ARK2C: variants seen among roughly 807,000 people sequenced by gnomAD.
ARK2C encodes E3 ubiquitin-protein ligase ARK2C.
chr18:46,350,214 A>G, the ARK2C span, among the ~76,000 whole-genome samples: 1 of 152,172 alleles, frequency 6.6e-6, no homozygotes, highest in African/African-American at 2.4e-5. Flanking sequence ...AATTCAAACA[A>G]TATTTCAACA....
the ARK2C span, among the ~76,000 whole-genome samples, chr18:46,431,540 G>A: frequency 2.0e-5 from 3 of 152,132 alleles, no homozygotes; most frequent in African/African-American, 4.8e-5. Flanking sequence ...TGCAGGGGAG[G>A]GGCACACGCT....
the ARK2C span, among the ~76,000 whole-genome samples, chr18:46,396,509 C>G: frequency 2.1e-4 from 32 of 152,334 alleles, no homozygotes; most frequent in African/African-American, 7.5e-4. Flanking sequence ...GTCCCAAGAC[C>G]TAGCAGGTGC....
the ARK2C span, among the ~76,000 whole-genome samples, chr18:46,438,739 T>C: frequency 6.6e-6 from 1 of 152,328 alleles, no homozygotes; most frequent in East Asian, 1.9e-4. Context: ...TAAGTTTGCA[T>C]CCAACTGGCT....
the ARK2C span, among the ~76,000 whole-genome samples, chr18:46,405,011 G>A: frequency 6.6e-6 from 1 of 152,150 alleles, no homozygotes; most frequent in Non-Finnish European, 1.5e-5. Flanking sequence ...GGACCACAGA[G>A]CTTAGCTTGG....
the ARK2C span, among the ~76,000 whole-genome samples, chr18:46,453,136 G>C: frequency 6.6e-6 from 1 of 152,188 alleles, no homozygotes; most frequent in African/African-American, 2.4e-5. Context: ...CAAGGCACTG[G>C]ATTTATTCGT....
the ARK2C span, among the ~76,000 whole-genome samples, chr18:46,432,986 T>G: frequency 1.3e-5 from 2 of 152,060 alleles, no homozygotes; most frequent in Non-Finnish European, 2.9e-5. Context: ...AAGATAACAC[T>G]TCCCCCTCCA....
chr18:46,450,407 T>G, the ARK2C span: 4 of 1,584,502 alleles, frequency 2.5e-6, no homozygotes, highest in Non-Finnish European at 3.5e-6. Context: ...TGAGGTATGT[T>G]GCTCTGTCTG....
chr18:46,437,810 C>G, the ARK2C span, among the ~76,000 whole-genome samples: 1 of 152,226 alleles, frequency 6.6e-6, no homozygotes, highest in South Asian at 2.1e-4. Flanking sequence ...ACTCTGCTCC[C>G]CATTGTGGAC....
the ARK2C span, among the ~76,000 whole-genome samples, chr18:46,446,696 GAAAAGAAAA>G: frequency 2.9e-4 from 41 of 140,870 alleles, no homozygotes; most frequent in African/African-American, 1.0e-3. Flanking sequence ...AAAAAAAAAG[GAAAAGAAAA>G]AAAAAAAGAA....
chr18:46,371,612 T>C, the ARK2C span, among the ~76,000 whole-genome samples: 1 of 152,246 alleles, frequency 6.6e-6, no homozygotes, highest in Non-Finnish European at 1.5e-5. Context: ...GGGCACCTGG[T>C]ACCCAGAAGA....
At chr18:46,351,825 A>G in the ARK2C span, among the ~76,000 whole-genome samples, 1 of 152,178 alleles carries the variant, frequency 6.6e-6, no homozygotes, top group Admixed American at 6.5e-5. Context: ...GGGCCTGGCT[A>G]CGTCAATCCA....
the ARK2C span, among the ~76,000 whole-genome samples, chr18:46,378,805 T>C: frequency 1.3e-5 from 2 of 152,182 alleles, no homozygotes; most frequent in South Asian, 2.1e-4. Context: ...AGAGGAGCGC[T>C]GCTATGGATG....
chr18:46,441,940 G>A, the ARK2C span, among the ~76,000 whole-genome samples: 5,237 of 147,660 alleles, frequency 0.035, 112 homozygotes, highest in Middle Eastern at 0.056. Flanking sequence ...CGAGACGGGC[G>A]GATCACGAGG....
At chr18:46,392,696 C>G in the ARK2C span, among the ~76,000 whole-genome samples, 1 of 152,180 alleles carries the variant, frequency 6.6e-6, no homozygotes, top group Non-Finnish European at 1.5e-5. Context: ...CGGTCCTGTG[C>G]CTTGTCAGTC....
At chr18:46,403,602 G>A in the ARK2C span, among the ~76,000 whole-genome samples, 2 of 152,178 alleles carry the variant, frequency 1.3e-5, no homozygotes, top group Non-Finnish European at 2.9e-5. Context: ...ATCCGGCTGG[G>A]TGCAGTGGCT....
At chr18:46,457,435 TG>T in the ARK2C span, 1 of 153,298 alleles carries the variant, frequency 6.5e-6, no homozygotes. Context: ...AAGGAGCTGA[TG>T]GGGTCTTATC....
At chr18:46,353,720 C>G in the ARK2C span, among the ~76,000 whole-genome samples, 6 of 152,154 alleles carry the variant, frequency 3.9e-5, no homozygotes, top group Non-Finnish European at 7.4e-5. Context: ...CGTTGTGGCC[C>G]CCTCCCATGC....
the ARK2C span, chr18:46,462,633 G>A: frequency 6.6e-6 from 1 of 152,582 alleles, no homozygotes; most frequent in Non-Finnish European, 1.5e-5. Context: ...CCACCACACT[G>A]GAGGGAGCAC....
At chr18:46,455,210 T>G in the ARK2C span, among the ~76,000 whole-genome samples, 7 of 152,230 alleles carry the variant, frequency 4.6e-5, no homozygotes, top group Non-Finnish European at 8.8e-5. Flanking sequence ...AGAGTTGATG[T>G]CTTCACGTAG....
Sources: gnomAD v4.1 joint callset for allele counts (sites outside exome capture counted in the v4.1 genomes callset) on GRCh38, gnomAD v4.1.1 for gene constraint, MANE v1.5 for transcripts, NCBI Gene and HGNC (gene_info 2026-07-23, HGNC 2026-07-21) for gene names.